Variants in WDFY4 observed in about 807,000 individuals in gnomAD.
WDFY4 encodes the protein WD repeat- and FYVE domain-containing protein 4.
WDFY4 carries 169 observed loss-of-function variants against 351.9 expected under a neutral mutation model. That is an observed-to-expected ratio of 0.48 (90% CI 0.42 to 0.55). The LOEUF (loss-of-function observed/expected upper bound fraction) is 0.55. Among genes scored for constraint, WDFY4 ranks in the 20% least tolerant of loss-of-function variants. The pLI is 0.00. For synonymous variants in WDFY4, 1,622 were observed against 1,574.6 expected (o/e 1.03, Z -0.71); for missense variants, 3,803 against 3,935.6 (o/e 0.97, Z 0.90).
intron 47 of WDFY4, among the ~76,000 whole-genome samples, chr10:48,933,893 A>G (rs2940709): frequency 0.97 from 147,620 of 152,098 alleles, 71,804 homozygotes; most frequent in East Asian, 1. Context: ...CACCCTTGAT[A>G]CTGGGTAACA....
At chr10:48,912,052 TG>T (rs1221266280) in intron 47 of WDFY4, among the ~76,000 whole-genome samples, 3 of 152,328 alleles carry the variant, frequency 2.0e-5, no homozygotes, top group Non-Finnish European at 2.9e-5. Flanking sequence ...AGGAAAGTCC[TG>T]GGGGAAAAAA....
Position 48,787,867 on chromosome 10 carries a change from CTTTCTTCTTTCT to C in WDFY4, c.3809-660_3809-649del, listed in dbSNP as rs1366014929. The stretch of plus-strand genomic sequence containing the variant: ...CTTCTTCTTCTTCTTCTTTCTTCTT[CTTTCTTCTTTCT>C]TTCTTCTTCTTCTCCTTCTTCTTCT... On this transcript the variant is annotated intron_variant, in intron 20 of 61. Transcript: ENST00000325239. Among the ~76,000 whole-genome samples the C allele has an allele frequency of 2.3e-3, 248 of 105,886 alleles. 15 individuals are homozygous for C. The highest frequency in any genetic ancestry group is 8.9e-3 in the African/African-American group (179 of 20,148). 69.5% of individuals were successfully genotyped at this position (105,886 alleles called of 152,430 possible). A position where few individuals can be genotyped will look rare whatever the true frequency, so the allele number is the denominator to read the frequency against.
chr10:48,842,293 C>A (rs1454607355), intron 39 of WDFY4, among the ~76,000 whole-genome samples: 1 of 151,740 alleles, frequency 6.6e-6, no homozygotes, highest in Non-Finnish European at 1.5e-5. Context: ...CCTGAGGGCC[C>A]AAGCAGAGAA....
At chr10:48,776,234 G>A (rs989275764) in intron 15 of WDFY4, among the ~76,000 whole-genome samples, 3 of 152,222 alleles carry the variant, frequency 2.0e-5, no homozygotes, top group African/African-American at 7.2e-5. Flanking sequence ...GTTGGCCAGG[G>A]AACCAGCTTA....
At chr10:48,798,605 C>T (rs1001921162) in intron 24 of WDFY4, among the ~76,000 whole-genome samples, 6 of 152,240 alleles carry the variant, frequency 3.9e-5, no homozygotes, top group Non-Finnish European at 7.4e-5. Flanking sequence ...CCCCAATGAT[C>T]CTAGAATCAT....
chr10:48,941,145 AC>A (rs2133755663), intron 47 of WDFY4, among the ~76,000 whole-genome samples: 1 of 152,210 alleles, frequency 6.6e-6, no homozygotes, highest in South Asian at 2.1e-4. Context: ...CAGCTGTGCA[AC>A]CCTGCCCCGT....
At chr10:48,932,644 A>AT (rs1840084946) in intron 47 of WDFY4, 1 of 139,310 alleles carries the variant, frequency 7.2e-6, no homozygotes, top group Non-Finnish European at 1.6e-5. Flanking sequence ...GAGAGAGCAA[A>AT]TAAAAAAAAA....
rs1337288371 is a variant in WDFY4 at position 48,890,613 on chromosome 10, G to A, written c.7202G>A (p.Gly2401Asp). Residue 2401 changes from glycine to aspartate, a missense_variant, in exon 44 of 62, where the codon GGC (glycine) becomes GAC (aspartate). By Grantham distance (94) the Gly-to-Asp change is moderately conservative. Around this residue, in one of 3 missense-constraint regions of WDFY4, gnomAD observed 3,054 missense variants for 3,148.6 expected, o/e 0.97. Coordinates refer to ENST00000325239, the MANE Select transcript of WDFY4 (RefSeq NM_001394531.1). Reference protein sequence around the residue: ...TQKFSLVIVQGHLVSEGVLLF... With the variant: ...TQKFSLVIVQDHLVSEGVLLF... The stretch of plus-strand genomic sequence containing the variant: ...AAGTTCTCCCTGGTGATTGTGCAGG[G>A]CCACCTGGTGTCAGAAGGGGTCCTG... The A allele has an allele frequency of 6.4e-7, 1 of 1,551,692 alleles. No homozygotes were observed. The highest frequency in any genetic ancestry group is 8.7e-7 in the Non-Finnish European group (1 of 1,146,984).
chr10:48,803,278 T>G lies in WDFY4; in HGVS notation c.4411-8T>G. 6.4e-7 allele frequency: 1 copy of G among 1,551,878 alleles called. No individual in the cohort carries two copies. Among genetic ancestry groups the G allele is most frequent in the Non-Finnish European group, 8.7e-7 (1 of 1,147,028 alleles). On this transcript the variant is annotated splice_polypyrimidine_tract_variant and splice_region_variant and intron_variant, in intron 24 of 61. Transcript: ENST00000325239. ...TCATTTTAGCATGTGTTTTGTTTTG[T>G]CTTCCAGCTCTGGATGAATACTGCA...
intron 1 of WDFY4, among the ~76,000 whole-genome samples, chr10:48,706,427 G>T (rs892195865): frequency 1.3e-5 from 2 of 152,176 alleles, no homozygotes; most frequent in African/African-American, 4.8e-5. Context: ...GAGCTCTGCA[G>T]GAGACCGAGC....
At chr10:48,915,332 A>G (rs186234420) in intron 47 of WDFY4, among the ~76,000 whole-genome samples, 1 of 152,246 alleles carries the variant, frequency 6.6e-6, no homozygotes, top group East Asian at 1.9e-4. Flanking sequence ...GAAGGTCTGC[A>G]GCCAGGAAGA....
chr10:48,872,570 T>C (rs978414061), intron 40 of WDFY4, among the ~76,000 whole-genome samples: 3 of 152,250 alleles, frequency 2.0e-5, no homozygotes, highest in Non-Finnish European at 4.4e-5. Context: ...TCTGAAAACA[T>C]TAAATGTGGG....
At chr10:48,772,517 C>CTTTTTTTTTTTTTTTTTTTTCCTTTTTT (rs10672319) in intron 13 of WDFY4, among the ~76,000 whole-genome samples, 1 of 70,650 alleles carries the variant, frequency 1.4e-5, no homozygotes, top group Admixed American at 1.7e-4. Context: ...GAGGGCAGTT[C>CTTTTTTTTTTTTTTTTTTTTCCTTTTTT]TTTTTTTTTT....
At chr10:48,950,637 A>C (rs1841277869) in intron 51 of WDFY4, among the ~76,000 whole-genome samples, 1 of 152,202 alleles carries the variant, frequency 6.6e-6, no homozygotes. Context: ...TAAAACACTC[A>C]TGGTAAATAA....
Position 48,966,594 on chromosome 10 carries a change from C to T in WDFY4, c.8505C>T (p.Thr2835=). 2.6e-6 allele frequency: 4 copies of T among 1,552,046 alleles called. No homozygotes were observed. Among genetic ancestry groups the T allele is most frequent in the Non-Finnish European group, 3.5e-6 (4 of 1,147,056 alleles). Residue 2835 remains threonine, a synonymous_variant, in exon 55 of 62, where the codon ACC becomes ACT. Coordinates refer to ENST00000325239, the MANE Select transcript of WDFY4 (RefSeq NM_001394531.1). ...GKPLPGKDVS[T]PVSLPGHPQP... is the part of the protein sequence containing the mutation. ...CTCTGCCTGGAAAGGATGTCTCCAC[C>T]CCCGTGAGCCTGCCTGGCCACCCAC...
rs1383595157 is a variant in WDFY4, at chr10:48,867,355, A to G, written c.6741+13A>G. ...AGACCATGTGCAAGTAAGAAACAAA[A>G]CATAGGCTTTCTCTATACAGCAAGC... On this transcript the variant is annotated intron_variant, in intron 40 of 61. Coordinates refer to ENST00000325239, the MANE Select transcript of WDFY4 (RefSeq NM_001394531.1). The G allele has an allele frequency of 1.4e-6, 2 of 1,465,058 alleles. No homozygotes were observed. Among genetic ancestry groups the G allele is most frequent in the Admixed American group, 2.5e-5 (1 of 39,942 alleles). 90.8% of individuals were successfully genotyped at this position (1,465,058 alleles called of 1,614,324 possible). A position where few individuals can be genotyped will look rare whatever the true frequency, so the allele number is the denominator to read the frequency against.
intron 12 of WDFY4, among the ~76,000 whole-genome samples, chr10:48,758,018 T>G (rs946828375): frequency 6.6e-6 from 1 of 152,134 alleles, no homozygotes; most frequent in Non-Finnish European, 1.5e-5. Context: ...TACCCAAATA[T>G]TTACCATTTC....
At chr10:48,718,018 A>G (rs1211641820) in intron 2 of WDFY4, among the ~76,000 whole-genome samples, 1 of 151,988 alleles carries the variant, frequency 6.6e-6, no homozygotes, top group Non-Finnish European at 1.5e-5. Flanking sequence ...TCAGTAGCAC[A>G]TGGGGGTTCC....
At chr10:48,723,810 T>G (rs2064172648) in intron 5 of WDFY4, among the ~76,000 whole-genome samples, 2 of 152,082 alleles carry the variant, frequency 1.3e-5, no homozygotes, top group African/African-American at 4.8e-5. Context: ...TGGCCTCACA[T>G]GGGTCACCTC....
Sources: allele counts gnomAD v4.1 joint callset (sites outside exome capture counted in the v4.1 genomes callset), GRCh38; gene constraint gnomAD v4.1.1; regional missense constraint gnomAD v4.1.1; transcripts MANE v1.5; gene names NCBI Gene and HGNC (gene_info 2026-07-23, HGNC 2026-07-21).